Variants in DNAH7 observed in about 807,000 individuals in gnomAD.
The protein encoded by DNAH7 is dynein axonemal heavy chain 7.
Under a neutral mutation model 444.6 loss-of-function variants are expected in DNAH7, and 397 were observed. That is an observed-to-expected ratio of 0.89 (90% CI 0.82 to 0.97). The LOEUF (loss-of-function observed/expected upper bound fraction) is 0.97, where lower values mean the gene tolerates loss of function less well. Ranked by LOEUF, DNAH7 falls within the 50% of genes least tolerant of loss-of-function variation. The pLI is 0.00. For synonymous variants in DNAH7, 1,636 were observed against 1,624.4 expected, an observed-to-expected ratio of 1.01 and a Z score of -0.17; for missense variants, 4,902 against 4,800.8, an observed-to-expected ratio of 1.02 and a Z score of -0.62.
chr2:195,856,686 G>C lies in DNAH7; in HGVS notation c.8414+691C>G, dbSNP rs188235781. Among the ~76,000 whole-genome samples the C allele has an allele frequency of 3.0e-4, 45 of 152,160 alleles. 1 individual carries two copies. Among genetic ancestry groups the C allele is most frequent in the East Asian group, 7.7e-4 (4 of 5,176 alleles). Reference sequence around the variant, plus strand: ...AGTTCTCATATAATCACCAAAAAAGGCTCCTTATTTCACAAGAATACATTA... The same window carrying C: ...AGTTCTCATATAATCACCAAAAAAGCCTCCTTATTTCACAAGAATACATTA... On this transcript the variant is annotated intron_variant, in intron 44 of 64. Transcript: ENST00000312428.
chr2:195,958,884 T>C (rs974567056), intron 18 of DNAH7, among the ~76,000 whole-genome samples: 2 of 152,044 alleles, frequency 1.3e-5, no homozygotes, highest in Non-Finnish European at 2.9e-5. Flanking sequence ...TAATAAACAA[T>C]AGAGCCAAGA....
intron 2 of DNAH7, among the ~76,000 whole-genome samples, chr2:196,051,993 A>G (rs1053273458): frequency 9.9e-5 from 15 of 152,128 alleles, no homozygotes; most frequent in Non-Finnish European, 1.9e-4. Context: ...TTGCAATCTC[A>G]CTTCCTGTAT....
chr2:195,872,231 C>T lies in DNAH7; in HGVS notation c.6633+19G>A, dbSNP rs1700753395. The T allele has an allele frequency of 6.3e-7, 1 of 1,578,266 alleles. No homozygotes were observed. Among genetic ancestry groups the T allele is most frequent in the South Asian group, 1.1e-5 (1 of 87,348 alleles). ...CTTTGTTTCTCACATAATCCCATTT[C>T]AATAACAGGAAAATTTACCTCATGA... On this transcript the variant is annotated intron_variant, in intron 40 of 64. Coordinates refer to ENST00000312428, the MANE Select transcript of DNAH7 (RefSeq NM_018897.3).
Position 196,000,815 on chromosome 2 carries a change from C to T in DNAH7, c.1242G>A (p.Lys414=), listed in dbSNP as rs1422915547. 1.2e-6 allele frequency: 2 copies of T among 1,609,260 alleles called. No individual in the cohort carries two copies. Among genetic ancestry groups the T allele is most frequent in the Non-Finnish European group, 1.7e-6 (2 of 1,177,480 alleles). Residue 414 remains lysine, a synonymous_variant, in exon 12 of 65, where the codon AAG becomes AAA. Transcript: ENST00000312428. ...MRLILDNDTI[K]FEPELSDYID... ...TATAGTCACTCAACTCAGGTTCAAA[C>T]TTAATGGTGTCATTATCAAGAATCA...
chr2:196,067,914 A>G (rs1425155855), intron 1 of DNAH7, among the ~76,000 whole-genome samples: 1 of 152,202 alleles, frequency 6.6e-6, no homozygotes, highest in Non-Finnish European at 1.5e-5. Context: ...TAGCCAGAAT[A>G]ATGACCACGT....
intron 53 of DNAH7, among the ~76,000 whole-genome samples, chr2:195,807,678 T>C (rs115378386): frequency 0.019 from 2,868 of 152,222 alleles, 90 homozygotes; most frequent in African/African-American, 0.065. Context: ...GCCATCAGGG[T>C]ACCAGAAGGG....
rs561447321 is a variant in DNAH7, at chr2:196,062,243, A to G, written c.16-4127T>C. ...CTTCTCAGTATCCATCTGCTCCCTC[A>G]TATCTTCTCTTCCTCCTTGCCCAAT... On this transcript the variant is annotated intron_variant, in intron 1 of 64. Transcript: ENST00000312428. Among the ~76,000 whole-genome samples, 13 of 152,212 alleles carry G rather than the reference A, an allele frequency of 8.5e-5. No individual in the cohort carries two copies. The South Asian group carries it at 2.5e-3, about 29-fold the overall frequency.
intron 19 of DNAH7, among the ~76,000 whole-genome samples, chr2:195,955,807 A>C (rs1464884612): frequency 6.6e-6 from 1 of 152,182 alleles, no homozygotes; most frequent in African/African-American, 2.4e-5. Context: ...TAAAACAACA[A>C]AAAATTCTCC....
In DNAH7 at chr2:195,824,366, C is replaced by G. The variant is rs189257440; in HGVS notation, c.9180G>C (p.Gly3060=). Residue 3060 remains glycine, a synonymous_variant, in exon 49 of 65, where the codon GGG becomes GGC. Transcript: ENST00000312428. ...AGTCCCCAAGCCGGATACATGTACTCCCACCCTGCTTAAAGGTTTGTTTTA... is the reference window on the plus strand; with the variant it reads ...AGTCCCCAAGCCGGATACATGTACTGCCACCCTGCTTAAAGGTTTGTTTTA... ...LLLKQTFKQG[G]STCIRLGDST... is the part of the protein sequence containing the mutation. 2 of 1,613,726 alleles carry G rather than the reference C, an allele frequency of 1.2e-6. No homozygotes were observed. The highest frequency in any genetic ancestry group is 1.3e-5 in the African/African-American group (1 of 74,896).
In DNAH7 at chr2:195,960,748, T is replaced by A; in HGVS notation, c.2403A>T (p.Gly801=). Residue 801 remains glycine (G), a synonymous_variant, in exon 18 of 65, where the codon GGA becomes GGT. Coordinates refer to ENST00000312428, the MANE Select transcript of DNAH7 (RefSeq NM_018897.3). ...GTTTATATAATCCTCTCCAGTAATT[T>A]CCAATATCTGCTTCTACTTGGTCTG... The part of the protein sequence containing the change: ...VNPDQVEADI[G]NYWRGLYKLE... 1 of 1,614,184 alleles carries A rather than the reference T, an allele frequency of 6.2e-7. No individual in the cohort carries two copies. Among genetic ancestry groups the A allele is most frequent in the Non-Finnish European group, 8.5e-7 (1 of 1,180,016 alleles).
At position 195,871,954 on chromosome 2, in the gene DNAH7, A is replaced by C. The variant is rs977765711; in HGVS notation, c.6633+296T>G. The stretch of plus-strand genomic sequence containing the variant: ...TCAAAAAAAAAAAAAAAAAAAAAAA[A>C]AAAAAAAAAAAAAAACTACTTAAGG... On this transcript the variant is annotated intron_variant, in intron 40 of 64. Coordinates refer to ENST00000312428, the MANE Select transcript of DNAH7 (RefSeq NM_018897.3). Among the ~76,000 whole-genome samples the C allele has an allele frequency of 1.4e-5, 2 of 145,592 alleles. 1 individual carries two copies. The highest frequency in any genetic ancestry group is 5.0e-5 in the African/African-American group (2 of 40,372).
rs1173012849 is a variant in DNAH7, at chr2:195,737,988, G to A, written c.12008C>T (p.Pro4003Leu). Residue 4003 changes from proline (P) to leucine (L), a missense_variant, in exon 65 of 65, where the codon CCC becomes CTC. Transcript: ENST00000312428. ...CCAGTGTTCCTTGGGTTGGTCAGAG[G>A]GAAGAGTCATGGCAATCACAAAATT... ...STNFVIAMTL[P>L]SDQPKEHWIG... The A allele has an allele frequency of 2.0e-5, 32 of 1,613,936 alleles. No homozygotes were observed. Among genetic ancestry groups the A allele is most frequent in the Non-Finnish European group, 2.4e-5 (28 of 1,179,960 alleles).
chr2:195,908,101 AG>A (rs1346953057), intron 25 of DNAH7, among the ~76,000 whole-genome samples: 2 of 152,164 alleles, frequency 1.3e-5, no homozygotes, highest in African/African-American at 4.8e-5. Flanking sequence ...AAAAGAATGA[AG>A]ACGGTCATTA....
rs539444655 is a variant in DNAH7 at position 196,043,732 on chromosome 2, A to C, written c.398+3620T>G. ...TCAGGAAGAAAAAAAATCCCATCAA[A>C]AGTGGGCTAAGGACATGAATAGACA... On this transcript the variant is annotated intron_variant, in intron 5 of 64. Transcript: ENST00000312428. 2.0e-5 allele frequency among the ~76,000 whole-genome samples: 3 copies of C among 152,202 alleles called. No homozygotes were observed. In the East Asian group the frequency reaches 5.8e-4, roughly 29 times the overall value.
chr2:195,751,289 T>C (rs1215356773), intron 63 of DNAH7, among the ~76,000 whole-genome samples: 1 of 152,224 alleles, frequency 6.6e-6, no homozygotes, highest in Admixed American at 6.5e-5. Flanking sequence ...CTTAAATGTG[T>C]TTCTGCAATA....
chr2:195,989,112 T>G (rs191882686), intron 12 of DNAH7, among the ~76,000 whole-genome samples: 1 of 152,216 alleles, frequency 6.6e-6, no homozygotes, highest in African/African-American at 2.4e-5. Flanking sequence ...GTCAATTCCA[T>G]ATCTTGGTTA....
At chr2:195,978,718 A>C (rs1485675483) in intron 15 of DNAH7, among the ~76,000 whole-genome samples, 1 of 152,216 alleles carries the variant, frequency 6.6e-6, no homozygotes, top group African/African-American at 2.4e-5. Flanking sequence ...CCTGACAATA[A>C]AGAGATGGAA....
At position 195,832,015 on chromosome 2, in the gene DNAH7, A is replaced by C. The variant is rs116719032; in HGVS notation, c.9100+2191T>G. Among the ~76,000 whole-genome samples the C allele has an allele frequency of 4.0e-3, 613 of 152,374 alleles. 3 individuals carry two copies. Among genetic ancestry groups the C allele is most frequent in the Middle Eastern group, 0.01 (3 of 294 alleles). Reference sequence around the variant, plus strand: ...GGCCACAACTCAAAGTAGGAAATACATTTTAAATATTGACTAAGTACATAT... The same window carrying C: ...GGCCACAACTCAAAGTAGGAAATACCTTTTAAATATTGACTAAGTACATAT... On this transcript the variant is annotated intron_variant, in intron 48 of 64. Coordinates refer to ENST00000312428, the MANE Select transcript of DNAH7 (RefSeq NM_018897.3).
At chr2:196,053,203 T>C (rs1177203181) in intron 2 of DNAH7, among the ~76,000 whole-genome samples, 1 of 152,202 alleles carries the variant, frequency 6.6e-6, no homozygotes, top group Non-Finnish European at 1.5e-5. Context: ...AATAGGAACC[T>C]GAATAAAAGG....
Sources: gnomAD v4.1 joint callset for allele counts (sites outside exome capture counted in the v4.1 genomes callset) on GRCh38, gnomAD v4.1.1 for gene constraint, MANE v1.5 for transcripts, NCBI Gene and HGNC (gene_info 2026-07-23, HGNC 2026-07-21) for gene names.